CAMTA1: variants seen among roughly 807,000 people sequenced by gnomAD.
The protein encoded by CAMTA1 is calmodulin binding transcription activator 1.
CAMTA1 carries 27 observed loss-of-function variants against 170.9 expected under a neutral mutation model. The ratio of observed to expected loss-of-function variants is 0.16; its 90% CI spans 0.12 to 0.22. The LOEUF is 0.22. CAMTA1 is among the 10% of genes least tolerant of loss of function. The pLI is 1.00. For missense variants in CAMTA1, 1,619 were observed against 2,217.2 expected (o/e 0.73, Z 5.42); for synonymous variants, 833 against 891.5 (o/e 0.93, Z 1.17).
chr1:7,569,346 AT>A (rs1373972766), intron 6 of CAMTA1, among the ~76,000 whole-genome samples: 6 of 146,620 alleles, frequency 4.1e-5, no homozygotes, highest in African/African-American at 1.3e-4. Context: ...CATCATCATC[AT>A]CACTACCACC....
intron 6 of CAMTA1, among the ~76,000 whole-genome samples, chr1:7,538,526 T>C (rs952446898): frequency 6.6e-6 from 1 of 152,216 alleles, no homozygotes; most frequent in Non-Finnish European, 1.5e-5. Flanking sequence ...TGGCAAGTGC[T>C]TGTAGTCCCA....
At chr1:7,266,888 G>A (rs2017248) in intron 5 of CAMTA1, among the ~76,000 whole-genome samples, 90,440 of 152,024 alleles carry the variant, frequency 0.59, 27,457 homozygotes, top group Non-Finnish European at 0.66. Flanking sequence ...AGGAGGGGGC[G>A]CGGTGGAGGG....
At chr1:6,956,206 C>T (rs1309898494) in intron 3 of CAMTA1, among the ~76,000 whole-genome samples, 2 of 152,144 alleles carry the variant, frequency 1.3e-5, no homozygotes, top group Non-Finnish European at 2.9e-5. Context: ...ATGGTGGGGT[C>T]CCTGATCTCC....
chr1:7,366,254 A>C (rs906856759), intron 5 of CAMTA1, among the ~76,000 whole-genome samples: 4 of 152,124 alleles, frequency 2.6e-5, no homozygotes, highest in Non-Finnish European at 5.9e-5. Context: ...CCCTTTGCCA[A>C]TCACACCCTG....
intron 5 of CAMTA1, among the ~76,000 whole-genome samples, chr1:7,460,617 C>T (rs1431527502): frequency 6.6e-6 from 1 of 151,862 alleles, no homozygotes; most frequent in Non-Finnish European, 1.5e-5. Flanking sequence ...CAGCCTGCCC[C>T]CAGTTCTGCC....
chr1:7,652,875 C>T (rs546239979), intron 7 of CAMTA1, among the ~76,000 whole-genome samples: 42 of 152,296 alleles, frequency 2.8e-4, no homozygotes, highest in African/African-American at 9.9e-4. Flanking sequence ...TCTGCAGCCC[C>T]TCCTCACCCC....
chr1:7,193,184 C>T (rs1245406884), intron 4 of CAMTA1, among the ~76,000 whole-genome samples: 2 of 151,920 alleles, frequency 1.3e-5, no homozygotes, highest in South Asian at 2.1e-4. Flanking sequence ...AACCCCATCT[C>T]AACTGAAAAA....
At chr1:7,504,915 C>T (rs1575684181) in intron 6 of CAMTA1, among the ~76,000 whole-genome samples, 1 of 152,238 alleles carries the variant, frequency 6.6e-6, no homozygotes, top group African/African-American at 2.4e-5. Context: ...GTGTAGCGCA[C>T]AGCCTCCTTC....
chr1:6,972,569 G>A (rs10399787), intron 3 of CAMTA1, among the ~76,000 whole-genome samples: 72,586 of 151,826 alleles, frequency 0.48, 17,652 homozygotes, highest in East Asian at 0.6. Flanking sequence ...CCCTGCCCTC[G>A]GTGAGCTTAT....
intron 11 of CAMTA1, among the ~76,000 whole-genome samples, chr1:7,711,590 A>G (rs78306697): frequency 0.015 from 2,350 of 152,324 alleles, 56 homozygotes; most frequent in African/African-American, 0.053. Context: ...ACCAGAGCCC[A>G]TCACCTTTTA....
intron 5 of CAMTA1, among the ~76,000 whole-genome samples, chr1:7,335,124 TTG>T (rs577353689): frequency 4.2e-3 from 80 of 19,132 alleles, no homozygotes; most frequent in South Asian, 0.017. Flanking sequence ...AGCACAGCTT[TTG>T]TGTGTGTGTG....
chr1:7,284,525 T>G (rs1355356206), intron 5 of CAMTA1, among the ~76,000 whole-genome samples: 1 of 152,178 alleles, frequency 6.6e-6, no homozygotes, highest in African/African-American at 2.4e-5. Flanking sequence ...TTTGCTATTG[T>G]TATCTGTAAA....
In CAMTA1 at chr1:7,091,386, C is replaced by T. The variant is rs776248421; in HGVS notation, c.302+15C>T. On this transcript the variant is annotated intron_variant, in intron 4 of 22. Transcript: ENST00000303635. ...CCTAAGACAAGGTAATGTCCCAGAT[C>T]TTGCAGTTTTTCAAATGTGTACCAT... is the stretch of plus-strand genomic sequence containing the variant. 6.2e-7 allele frequency: 1 copy of T among 1,601,254 alleles called. No individual in the cohort carries two copies. The highest frequency in any genetic ancestry group is 8.6e-7 in the Non-Finnish European group (1 of 1,168,322).
rs2094523438 is a variant in CAMTA1, at chr1:7,534,185, C to T, written c.510+66284C>T. On this transcript the variant is annotated intron_variant, in intron 6 of 22. Coordinates refer to ENST00000303635, the MANE Select transcript of CAMTA1 (RefSeq NM_015215.4). This position sits in a 1 kb window ranked among gnomAD's most constrained non-coding sequence, Gnocchi z 5.6. ...CCATACATCTTGGTGTGTGACAAATCACTTTTTAATTGCCTGAAGGAAGAA... is the reference window on the plus strand; with the variant it reads ...CCATACATCTTGGTGTGTGACAAATTACTTTTTAATTGCCTGAAGGAAGAA... Among the ~76,000 whole-genome samples, 1 of 152,220 alleles carries T rather than the reference C, an allele frequency of 6.6e-6. No homozygotes were observed. Among genetic ancestry groups the T allele is most frequent in the South Asian group, 2.1e-4 (1 of 4,836 alleles).
intron 3 of CAMTA1, among the ~76,000 whole-genome samples, chr1:6,951,822 G>T (rs1372019428): frequency 1.3e-5 from 2 of 152,208 alleles, no homozygotes; most frequent in African/African-American, 4.8e-5. Context: ...AAAGGCCTCT[G>T]TTGTCATCCT....
chr1:6,801,814 T>TAA (rs34313253), intron 1 of CAMTA1, among the ~76,000 whole-genome samples: 5 of 141,480 alleles, frequency 3.5e-5, no homozygotes, highest in Admixed American at 7.1e-5. Flanking sequence ...AATCACACAT[T>TAA]AAAAAAAAAA....
chr1:7,164,212 A>G (rs1647885598), intron 4 of CAMTA1, among the ~76,000 whole-genome samples: 1 of 152,198 alleles, frequency 6.6e-6, no homozygotes, highest in Non-Finnish European at 1.5e-5. Context: ...TTTGGCAAAT[A>G]ACAAGGCATG....
intron 22 of CAMTA1, among the ~76,000 whole-genome samples, chr1:7,765,575 T>C (rs1415890786): frequency 6.6e-6 from 1 of 152,182 alleles, no homozygotes; most frequent in African/African-American, 2.4e-5. Context: ...TTTTAAGTTA[T>C]AATGTGGAAT....
chr1:7,087,903 T>G (rs965557575), intron 3 of CAMTA1, among the ~76,000 whole-genome samples: 4 of 152,228 alleles, frequency 2.6e-5, no homozygotes, highest in African/African-American at 9.6e-5. Flanking sequence ...CCAAATACTT[T>G]GTGTGGTTTT....
Sources: allele counts gnomAD v4.1 joint callset (sites outside exome capture counted in the v4.1 genomes callset), GRCh38; gene constraint gnomAD v4.1.1; non-coding constraint Gnocchi (gnomAD v3.1); transcripts MANE v1.5; gene names NCBI Gene and HGNC (gene_info 2026-07-23, HGNC 2026-07-21).